Variants in AKT3 observed in about 807,000 individuals in gnomAD.
AKT3 encodes the protein AKT serine/threonine kinase 3.
In AKT3, 15 loss-of-function variants were observed where a neutral mutation model predicts 65.3. The ratio of observed to expected loss-of-function variants is 0.23; its 90% CI spans 0.15 to 0.35. The LOEUF (loss-of-function observed/expected upper bound fraction) is 0.35. Among genes scored for constraint, AKT3 ranks in the 10% least tolerant of loss-of-function variants. AKT3 has a pLI of 1.00. For missense variants in AKT3, 243 were observed against 576.5 expected (o/e 0.42, Z 5.92); for synonymous variants, 206 against 183.8 (o/e 1.12, Z -0.98).
At chr1:243,836,658 C>G (rs1215297003) in intron 2 of AKT3, among the ~76,000 whole-genome samples, 1 of 152,098 alleles carries the variant, frequency 6.6e-6, no homozygotes, top group Non-Finnish European at 1.5e-5. Flanking sequence ...GGCCTGTAAT[C>G]CCAGCACTTT....
At chr1:243,706,506 T>C (rs552895453) in intron 2 of AKT3, among the ~76,000 whole-genome samples, 15 of 152,294 alleles carry the variant, frequency 9.8e-5, no homozygotes, top group African/African-American at 2.9e-4. Flanking sequence ...AATAGGACTT[T>C]ATCTTAGACT....
At chr1:243,733,544 G>C (rs1687676478) in intron 2 of AKT3, among the ~76,000 whole-genome samples, 1 of 152,118 alleles carries the variant, frequency 6.6e-6, no homozygotes, top group African/African-American at 2.4e-5. Flanking sequence ...ATTTCAGAAT[G>C]CCAATAAGTA....
At chr1:243,686,629 T>TTATATATATATATATATATATATA (rs1311574371) in intron 3 of AKT3, among the ~76,000 whole-genome samples, 1 of 34,158 alleles carries the variant, frequency 2.9e-5, no homozygotes, top group Non-Finnish European at 7.2e-5. Context: ...CAAATTGTTT[T>TTATATATATATATATATATATATA]CATATATATA....
intron 6 of AKT3, among the ~76,000 whole-genome samples, chr1:243,630,856 T>C (rs531528591): frequency 6.6e-6 from 1 of 152,302 alleles, no homozygotes; most frequent in South Asian, 2.1e-4. Context: ...AGTAAATGAA[T>C]ATTATTCATG....
intron 2 of AKT3, among the ~76,000 whole-genome samples, chr1:243,781,633 A>ATGTT (rs1558805252): frequency 2.0e-5 from 3 of 152,304 alleles, no homozygotes; most frequent in South Asian, 2.1e-4. Flanking sequence ...AATAATGTTG[A>ATGTT]TGTTTGAGTG....
chr1:243,727,982 CT>C (rs1372489258), intron 2 of AKT3, among the ~76,000 whole-genome samples: 1 of 152,134 alleles, frequency 6.6e-6, no homozygotes, highest in Non-Finnish European at 1.5e-5. Context: ...ATTTTAAGAG[CT>C]TGAAGTAGTA....
At chr1:243,712,963 T>C (rs1686253764) in intron 2 of AKT3, among the ~76,000 whole-genome samples, 1 of 152,188 alleles carries the variant, frequency 6.6e-6, no homozygotes, top group Non-Finnish European at 1.5e-5. Flanking sequence ...AAAAAGAGTA[T>C]GTACTGATCA....
At chr1:243,712,188 C>A (rs1207018721) in intron 2 of AKT3, among the ~76,000 whole-genome samples, 2 of 152,110 alleles carry the variant, frequency 1.3e-5, no homozygotes, top group Non-Finnish European at 2.9e-5. Flanking sequence ...TATTCACGGC[C>A]ACCTATATAA....
At chr1:243,744,765 TATACATAACAGAA>T (rs1688379696) in intron 2 of AKT3, among the ~76,000 whole-genome samples, 1 of 151,006 alleles carries the variant, frequency 6.6e-6, no homozygotes, top group African/African-American at 2.4e-5. Flanking sequence ...AAAAAATTAT[TATACATAACAGAA>T]ATAGACTCTC....
At chr1:243,771,950 A>G (rs1690212306) in intron 2 of AKT3, among the ~76,000 whole-genome samples, 1 of 152,262 alleles carries the variant, frequency 6.6e-6, no homozygotes, top group Admixed American at 6.5e-5. Flanking sequence ...AGGATTCCCT[A>G]TTTAACAAAT....
intron 12 of AKT3, among the ~76,000 whole-genome samples, chr1:243,525,038 G>C (rs1181784735): frequency 6.6e-6 from 1 of 152,106 alleles, no homozygotes; most frequent in Non-Finnish European, 1.5e-5. Flanking sequence ...AACAAGTACA[G>C]CAGCTTTTAA....
chr1:243,549,593 T>C (rs768321287), intron 11 of AKT3, among the ~76,000 whole-genome samples: 1 of 151,880 alleles, frequency 6.6e-6, no homozygotes, highest in Non-Finnish European at 1.5e-5. Context: ...ATACCCAGCA[T>C]TTTATTTTTT....
intron 2 of AKT3, among the ~76,000 whole-genome samples, chr1:243,833,254 A>T (rs1029446206): frequency 1.3e-5 from 2 of 152,166 alleles, no homozygotes; most frequent in African/African-American, 4.8e-5. Context: ...TCCATATCAA[A>T]AAACAAACAA....
At chr1:243,720,820 G>A (rs1048850094) in intron 2 of AKT3, among the ~76,000 whole-genome samples, 1 of 152,086 alleles carries the variant, frequency 6.6e-6, no homozygotes, top group African/African-American at 2.4e-5. Context: ...ATTCCGAAAA[G>A]CTCACGGTAT....
intron 8 of AKT3, among the ~76,000 whole-genome samples, chr1:243,590,026 G>C (rs1384030365): frequency 6.6e-6 from 1 of 152,158 alleles, no homozygotes; most frequent in Non-Finnish European, 1.5e-5. Flanking sequence ...CTTATATGGG[G>C]AATCTAAAAG....
chr1:243,698,311 T>TA (rs1464404139), intron 2 of AKT3, among the ~76,000 whole-genome samples: 6 of 152,106 alleles, frequency 3.9e-5, no homozygotes, highest in African/African-American at 1.4e-4. Context: ...ATACCAAAAA[T>TA]AAAATGAATC....
At chr1:243,802,637 C>A (rs955897776) in intron 2 of AKT3, among the ~76,000 whole-genome samples, 1 of 152,016 alleles carries the variant, frequency 6.6e-6, no homozygotes, top group South Asian at 2.1e-4. Flanking sequence ...TTTTGTGTAA[C>A]CCAAATTACT....
At chr1:243,652,793 A>AAT (rs1681470877) in intron 4 of AKT3, among the ~76,000 whole-genome samples, 2 of 149,276 alleles carry the variant, frequency 1.3e-5, no homozygotes, top group African/African-American at 4.9e-5. Flanking sequence ...AAAAAAAAAA[A>AAT]GCAGGAGTTG....
At chr1:243,662,421 T>C (rs1389324062) in intron 4 of AKT3, among the ~76,000 whole-genome samples, 13 of 151,718 alleles carry the variant, frequency 8.6e-5, no homozygotes, top group East Asian at 2.0e-4. Context: ...ATGGATGAAA[T>C]TGGAAATCAT....
Sources: gnomAD v4.1 joint callset for allele counts (sites outside exome capture counted in the v4.1 genomes callset) on GRCh38, gnomAD v4.1.1 for gene constraint, MANE v1.5 for transcripts, NCBI Gene and HGNC (gene_info 2026-07-23, HGNC 2026-07-21) for gene names.